The following RCOR1 variants were observed in gnomAD, a reference collection of about 807,000 sequenced individuals.
RCOR1 encodes the protein REST corepressor 1.
RCOR1 carries 12 observed loss-of-function variants against 64.0 expected under a neutral mutation model. That is an observed-to-expected ratio of 0.19 (90% CI 0.12 to 0.30). The LOEUF (loss-of-function observed/expected upper bound fraction) is 0.30. Ranked by LOEUF, RCOR1 falls within the 10% of genes least tolerant of loss-of-function variation. The probability of loss-of-function intolerance (pLI) is 1.00; values close to 1 mark genes in which losing one functional copy is unlikely to be tolerated. For missense variants in RCOR1, 502 were observed against 621.2 expected, an observed-to-expected ratio of 0.81 and a Z score of 2.04; for synonymous variants, 279 against 227.2, an observed-to-expected ratio of 1.23 and a Z score of -2.05.
At chr14:102,632,500 C>T (rs35689473) in intron 2 of RCOR1, among the ~76,000 whole-genome samples, 450 of 152,074 alleles carry the variant, frequency 3.0e-3, no homozygotes, top group Non-Finnish European at 5.4e-3. Context: ...CCACCGCGCC[C>T]GGCCAGTTTG....
At chr14:102,597,876 G>T (rs933969430) in intron 2 of RCOR1, among the ~76,000 whole-genome samples, 2 of 151,342 alleles carry the variant, frequency 1.3e-5, no homozygotes, top group Non-Finnish European at 2.9e-5. Flanking sequence ...GGGTGCAATG[G>T]CATGATCTCG....
intron 8 of RCOR1, among the ~76,000 whole-genome samples, chr14:102,717,589 C>T (rs1330989570): frequency 6.6e-6 from 1 of 152,196 alleles, no homozygotes; most frequent in Non-Finnish European, 1.5e-5. Context: ...GTTCTGTTTG[C>T]ACTGGAAGAA....
At chr14:102,631,745 C>T (rs144493435) in intron 2 of RCOR1, among the ~76,000 whole-genome samples, 1,544 of 152,274 alleles carry the variant, frequency 0.01, 16 homozygotes, top group Admixed American at 0.015. Context: ...AATATAGCTT[C>T]TAAGCAGAAC....
At chr14:102,699,238 T>C (rs943525278) in intron 3 of RCOR1, among the ~76,000 whole-genome samples, 2 of 152,244 alleles carry the variant, frequency 1.3e-5, no homozygotes, top group Non-Finnish European at 2.9e-5. Flanking sequence ...GCTATGGTCA[T>C]TTCATTTGTC....
At chr14:102,681,827 T>C in intron 2 of RCOR1, 68 bp from the exon 3 acceptor site, 1 of 1,107,784 alleles carries the variant, frequency 9.0e-7, no homozygotes, top group African/African-American at 1.5e-5. Flanking sequence ...CATTAAAAGG[T>C]ATTGTTACTT....
chr14:102,611,080 T>A (rs1893623151), intron 2 of RCOR1, among the ~76,000 whole-genome samples: 1 of 152,052 alleles, frequency 6.6e-6, no homozygotes, highest in South Asian at 2.1e-4. Flanking sequence ...TGTTTGTTTG[T>A]TTTTTTGAGA....
At chr14:102,676,659 G>T (rs1223590093) in intron 2 of RCOR1, among the ~76,000 whole-genome samples, 2 of 103,504 alleles carry the variant, frequency 1.9e-5, no homozygotes, top group Admixed American at 8.7e-5. Flanking sequence ...CCTCCCGGAC[G>T]GGGCGGCTGG....
At chr14:102,681,304 TCTTTGC>T (rs1895297886) in intron 2 of RCOR1, among the ~76,000 whole-genome samples, 1 of 152,126 alleles carries the variant, frequency 6.6e-6, no homozygotes, top group Admixed American at 6.6e-5. Context: ...GTTTCTCGAG[TCTTTGC>T]CTTCTGAAGA....
chr14:102,594,218 ATGTT>A (rs973406543), intron 2 of RCOR1, among the ~76,000 whole-genome samples: 8 of 152,216 alleles, frequency 5.3e-5, no homozygotes, highest in African/African-American at 1.9e-4. Context: ...GGTATGGAAA[ATGTT>A]TGAAAGAACG....
intron 3 of RCOR1, among the ~76,000 whole-genome samples, chr14:102,699,950 C>G (rs966728563): frequency 2.0e-4 from 31 of 152,118 alleles, no homozygotes; most frequent in African/African-American, 5.3e-4. Context: ...TGAGTCAATT[C>G]ATTTTCCTTG....
At chr14:102,636,440 G>A (rs557446341) in intron 2 of RCOR1, among the ~76,000 whole-genome samples, 23 of 151,602 alleles carry the variant, frequency 1.5e-4, no homozygotes, top group East Asian at 1.4e-3. Context: ...ACCACACCCC[G>A]CTAACTTTTT....
chr14:102,648,280 T>G (rs565060487), intron 2 of RCOR1, among the ~76,000 whole-genome samples: 1 of 152,200 alleles, frequency 6.6e-6, no homozygotes, highest in East Asian at 1.9e-4. Flanking sequence ...GGTTTCACCA[T>G]GTCGGCGAGG....
intron 8 of RCOR1, 100 bp downstream of exon 8, chr14:102,714,717 A>C: frequency 2.1e-6 from 2 of 941,928 alleles, no homozygotes; most frequent in Non-Finnish European, 1.6e-6. Context: ...GCAAATCTCA[A>C]AGGAGCATTT....
At chr14:102,619,336 T>C (rs772680441) in intron 2 of RCOR1, among the ~76,000 whole-genome samples, 1 of 152,082 alleles carries the variant, frequency 6.6e-6, no homozygotes, top group Non-Finnish European at 1.5e-5. Context: ...GTTAGGCTGG[T>C]CTTGAACTCC....
In RCOR1 at chr14:102,627,965, G is replaced by GTT. The variant is rs1378518737; in HGVS notation, c.361+34641_361+34642insTT. Among the ~76,000 whole-genome samples the GTT allele has an allele frequency of 7.9e-5, 12 of 151,344 alleles. No homozygotes were observed. In the South Asian group the frequency reaches 2.1e-3, roughly 26 times the overall value. On this transcript the variant is annotated intron_variant, in intron 2 of 11. Coordinates refer to ENST00000262241, the MANE Select transcript of RCOR1 (RefSeq NM_015156.4). ...ATATGCATAAATTTAAAAGGGGTGTGTGTGTGTGTGTGTGTGTAAAATTGA... is the reference window on the plus strand; with the variant it reads ...ATATGCATAAATTTAAAAGGGGTGTGTTTGTGTGTGTGTGTGTGTAAAATTGA...
At chr14:102,697,173 C>T (rs1005480373) in intron 3 of RCOR1, among the ~76,000 whole-genome samples, 1 of 152,212 alleles carries the variant, frequency 6.6e-6, no homozygotes, top group African/African-American at 2.4e-5. Context: ...CCAGAACATT[C>T]TGTGAGGAGA....
intron 2 of RCOR1, among the ~76,000 whole-genome samples, chr14:102,596,762 A>T (rs1025674472): frequency 2.6e-5 from 4 of 151,310 alleles, no homozygotes; most frequent in African/African-American, 9.7e-5. Context: ...ATGCGGTTTC[A>T]CCATGTTGGC....
intron 2 of RCOR1, among the ~76,000 whole-genome samples, chr14:102,663,845 T>C (rs1595218939): frequency 1.3e-5 from 2 of 152,348 alleles, no homozygotes; most frequent in South Asian, 4.1e-4. Context: ...AAGCTTGTTA[T>C]ATTGATAACA....
chr14:102,645,656 A>C (rs1322612944), intron 2 of RCOR1, among the ~76,000 whole-genome samples: 1 of 152,146 alleles, frequency 6.6e-6, no homozygotes, highest in Admixed American at 6.5e-5. Context: ...TCTCACTTCC[A>C]GGTGCCAAAA....
Sources: allele counts gnomAD v4.1 joint callset (sites outside exome capture counted in the v4.1 genomes callset), GRCh38; gene constraint gnomAD v4.1.1; transcripts MANE v1.5; gene names NCBI Gene and HGNC (gene_info 2026-07-23, HGNC 2026-07-21).